FOCAD: variants seen among roughly 807,000 people sequenced by gnomAD.
FOCAD encodes the protein KIAA1797.
In FOCAD, 198 loss-of-function variants were observed where a neutral mutation model predicts 225.6. The ratio of observed to expected loss-of-function variants is 0.88; its 90% CI spans 0.78 to 0.99. The LOEUF is 0.99. Ranked by LOEUF, FOCAD falls within the 50% of genes least tolerant of loss-of-function variation. The probability of loss-of-function intolerance (pLI) is 0.00; values close to 1 mark genes in which losing one functional copy is unlikely to be tolerated. For synonymous variants in FOCAD, 897 were observed against 755.0 expected (o/e 1.19, Z -3.08); for missense variants, 2,713 against 2,123.6 (o/e 1.28, Z -5.46).
chr9:20,668,868 C>T lies in FOCAD; in HGVS notation c.-78+10042C>T, dbSNP rs144041484. Among the ~76,000 whole-genome samples, 580 of 151,732 alleles carry T rather than the reference C, an allele frequency of 3.8e-3. 9 individuals are homozygous for T. Among genetic ancestry groups the T allele is most frequent in the South Asian group, 0.034 (166 of 4,830 alleles). On this transcript the variant is annotated intron_variant, in intron 2 of 45. Coordinates refer to the FOCAD transcript ENST00000380249. Reference sequence around the variant, plus strand: ...CATAAGGAGTGGTGATCACACCAGACAAACTTTATTGCCCATCCTGTTCCC... The same window carrying T: ...CATAAGGAGTGGTGATCACACCAGATAAACTTTATTGCCCATCCTGTTCCC...
chr9:20,690,113 G>A (rs1822887425), intron 1 of FOCAD, among the ~76,000 whole-genome samples: 1 of 152,142 alleles, frequency 6.6e-6, no homozygotes, highest in Non-Finnish European at 1.5e-5. Context: ...AATGTGAATG[G>A]CAATTGCCAT....
chr9:20,909,032 GCTC>G (rs1358417728), intron 22 of FOCAD, among the ~76,000 whole-genome samples: 1 of 152,012 alleles, frequency 6.6e-6, no homozygotes, highest in African/African-American at 2.4e-5. Context: ...GGGATGAAGA[GCTC>G]CTCCTCCTGC....
At chr9:20,887,278 A>C (rs1036749998) in intron 21 of FOCAD, among the ~76,000 whole-genome samples, 4 of 149,692 alleles carry the variant, frequency 2.7e-5, no homozygotes, top group Admixed American at 6.7e-5. Context: ...TCTGCTGTCC[A>C]GGCTGGAGTG....
intron 15 of FOCAD, among the ~76,000 whole-genome samples, chr9:20,842,562 T>C (rs910427237): frequency 6.6e-6 from 1 of 152,036 alleles, no homozygotes; most frequent in Non-Finnish European, 1.5e-5. Context: ...TTGGTTTCCA[T>C]TGGCATGTAC....
chr9:20,789,869 C>T (rs1820342072), intron 11 of FOCAD, among the ~76,000 whole-genome samples: 2 of 152,008 alleles, frequency 1.3e-5, no homozygotes. Flanking sequence ...CTGGTTCTTC[C>T]AATTTTTTGG....
At chr9:20,868,650 G>T (rs1011592466) in intron 18 of FOCAD, among the ~76,000 whole-genome samples, 28 of 151,940 alleles carry the variant, frequency 1.8e-4, no homozygotes, top group Non-Finnish European at 1.0e-4. Flanking sequence ...GCATCAGAGT[G>T]GAAAGAGCTA....
At chr9:20,881,319 G>A (rs1278029096) in intron 19 of FOCAD, among the ~76,000 whole-genome samples, 3 of 152,136 alleles carry the variant, frequency 2.0e-5, no homozygotes, top group Non-Finnish European at 4.4e-5. Flanking sequence ...AGGAGGTAGG[G>A]TATTAGACAT....
At chr9:20,846,527 C>A (rs1827129980) in intron 15 of FOCAD, among the ~76,000 whole-genome samples, 1 of 152,024 alleles carries the variant, frequency 6.6e-6, no homozygotes. Context: ...CTCTTTAATT[C>A]TAATATTAGG....
intron 15 of FOCAD, among the ~76,000 whole-genome samples, chr9:20,823,504 G>C (rs1313134831): frequency 6.6e-6 from 1 of 152,048 alleles, no homozygotes; most frequent in Admixed American, 6.6e-5. Context: ...CACTTTTATA[G>C]CTAAAAGATT....
At position 20,822,985 on chromosome 9, in the gene FOCAD, GT is replaced by G; in HGVS notation, c.1794-3del. 6.3e-7 allele frequency: 1 copy of G among 1,579,708 alleles called. No individual in the cohort carries two copies. Among genetic ancestry groups the G allele is most frequent in the South Asian group, 1.2e-5 (1 of 84,970 alleles). On this transcript the variant is annotated splice_region_variant and splice_polypyrimidine_tract_variant and intron_variant, in intron 14 of 43. Transcript: ENST00000338382. Reference sequence around the variant, plus strand: ...TTTTGCTTTTAAACTTTCATTTCTTGTAGGCCATATCAACATGGTGCAGATA... The same window carrying G: ...TTTTGCTTTTAAACTTTCATTTCTTGAGGCCATATCAACATGGTGCAGATA...
At chr9:20,950,942 T>G in intron 33 of FOCAD, 54 bp from the exon 34 acceptor site, 1 of 1,490,754 alleles carries the variant, frequency 6.7e-7, no homozygotes, top group South Asian at 1.1e-5. Context: ...GACCTTTTAT[T>G]GAATGGAACT....
intron 11 of FOCAD, among the ~76,000 whole-genome samples, 190 bp from the exon 12 acceptor site, chr9:20,819,606 A>G (rs1824099955): frequency 6.6e-6 from 1 of 152,132 alleles, no homozygotes; most frequent in Admixed American, 6.6e-5. Context: ...TTGGCAGCTA[A>G]TTATAAGTGG....
At chr9:20,855,580 A>C (rs1828093193) in intron 15 of FOCAD, among the ~76,000 whole-genome samples, 1 of 151,732 alleles carries the variant, frequency 6.6e-6, no homozygotes, top group African/African-American at 2.4e-5. Context: ...CACCTCAAGC[A>C]TTATCATTTA....
chr9:20,985,026 C>T (rs771230435), intron 39 of FOCAD, among the ~76,000 whole-genome samples: 1 of 152,170 alleles, frequency 6.6e-6, no homozygotes, highest in Non-Finnish European at 1.5e-5. Flanking sequence ...GTTTTGACCT[C>T]CTGGCCTCAA....
At chr9:20,873,752 C>A (rs958152123) in intron 18 of FOCAD, 7 of 152,042 alleles carry the variant, frequency 4.6e-5, no homozygotes, top group African/African-American at 1.2e-4. Context: ...AGTGCACTTC[C>A]TAAATGGAAC....
chr9:20,733,836 T>TA (rs1471650591), intron 4 of FOCAD, among the ~76,000 whole-genome samples: 1 of 151,812 alleles, frequency 6.6e-6, no homozygotes, highest in South Asian at 2.1e-4. Context: ...ACTCTGTCTT[T>TA]AAAAAAAATA....
At chr9:20,823,965 G>A (rs1000638982) in intron 15 of FOCAD, among the ~76,000 whole-genome samples, 2 of 152,074 alleles carry the variant, frequency 1.3e-5, no homozygotes, top group Non-Finnish European at 2.9e-5. Context: ...ATAGACCCCA[G>A]AGAGAGGTTA....
At chr9:20,685,997 C>G (rs76263094) in intron 1 of FOCAD, among the ~76,000 whole-genome samples, 1 of 151,986 alleles carries the variant, frequency 6.6e-6, no homozygotes, top group Non-Finnish European at 1.5e-5. Flanking sequence ...CCTTTTTCCC[C>G]GTTTAAAATG....
At chr9:20,803,379 A>G (rs1041456814) in intron 11 of FOCAD, among the ~76,000 whole-genome samples, 8 of 152,138 alleles carry the variant, frequency 5.3e-5, no homozygotes, top group Non-Finnish European at 8.8e-5. Context: ...GGGGTGGACA[A>G]ATGGATACAG....
Sources: gnomAD v4.1 joint callset for allele counts (sites outside exome capture counted in the v4.1 genomes callset) on GRCh38, gnomAD v4.1.1 for gene constraint, MANE v1.5 for transcripts, NCBI Gene and HGNC (gene_info 2026-07-23, HGNC 2026-07-21) for gene names.